The following TMEM181 variants were observed in gnomAD, a reference collection of about 807,000 sequenced individuals.
The protein encoded by TMEM181 is transmembrane protein 181.
Under a neutral mutation model 71.9 loss-of-function variants are expected in TMEM181, and 39 were observed. The ratio of observed to expected loss-of-function variants is 0.54; its 90% CI spans 0.42 to 0.71. TMEM181 has a LOEUF of 0.71. Ranked by LOEUF, TMEM181 falls within the 30% of genes least tolerant of loss-of-function variation. The probability of loss-of-function intolerance (pLI) is 0.00; values close to 1 mark genes in which losing one functional copy is unlikely to be tolerated. For synonymous variants in TMEM181, 245 were observed against 228.8 expected (o/e 1.07, Z -0.64); for missense variants, 595 against 583.0 (o/e 1.02, Z -0.21).
intron 1 of TMEM181, 57 bp from the exon 2 acceptor site, chr6:158,573,363 T>C (rs530147069): frequency 1.4e-6 from 2 of 1,402,684 alleles, no homozygotes; most frequent in African/African-American, 2.8e-5. Flanking sequence ...AGGGCCGCTT[T>C]CCTGTGACCT....
intron 10 of TMEM181, among the ~76,000 whole-genome samples, chr6:158,617,467 C>G (rs1026939456): frequency 2.2e-5 from 3 of 137,784 alleles, no homozygotes; most frequent in Admixed American, 1.6e-4. Context: ...TTTTTTGTGT[C>G]TCTATCTCCT....
chr6:158,539,492 GTTTA>G (rs1781258125), intron 1 of TMEM181, among the ~76,000 whole-genome samples: 1 of 152,186 alleles, frequency 6.6e-6, no homozygotes, highest in African/African-American at 2.4e-5. Context: ...CTTATTGGTG[GTTTA>G]TGAGTAAAAC....
At chr6:158,611,239 TG>T (rs1785288350) in intron 10 of TMEM181, 3 of 499,334 alleles carry the variant, frequency 6.0e-6, no homozygotes. Flanking sequence ...CAGGGGTGAC[TG>T]TGACACTCCT....
rs184762221 is a variant in TMEM181, at chr6:158,589,625, C to T, written c.382-47C>T. ...TACTTCATGGGTTATTTGGCGGGAG[C>T]GTGAGTCTCGCTTTCTTTAAAGGCA... On this transcript the variant is annotated intron_variant, in intron 5 of 16. Transcript: ENST00000684151. The T allele has an allele frequency of 2.5e-4, 366 of 1,435,440 alleles. No individual in the cohort carries two copies. In the African/African-American group the frequency reaches 4.7e-3, roughly 18 times the overall value. The allele number at this position is 1,435,440 out of a possible 1,614,324, so 88.9% of individuals were successfully genotyped here. A position where few individuals can be genotyped will look rare whatever the true frequency, so the allele number is the denominator to read the frequency against.
At chr6:158,577,041 A>G (rs1178133513) in intron 2 of TMEM181, among the ~76,000 whole-genome samples, 1 of 146,534 alleles carries the variant, frequency 6.8e-6, no homozygotes, top group Non-Finnish European at 1.5e-5. Flanking sequence ...CAGCCTGGGC[A>G]ATAGAGCAAG....
intron 6 of TMEM181, among the ~76,000 whole-genome samples, chr6:158,593,440 A>T (rs926695719): frequency 6.6e-6 from 1 of 152,220 alleles, no homozygotes; most frequent in African/African-American, 2.4e-5. Context: ...CTGAAAAGAA[A>T]ATTATTTGAA....
chr6:158,560,007 C>A (rs1223603105), upstream of TMEM181: 1 of 977,984 alleles, frequency 1.0e-6, no homozygotes, highest in African/African-American at 1.8e-5. Context: ...CGCCGCGCGC[C>A]CGCGGCCCCG....
chr6:158,623,282 G>A (rs1786077468), intron 10 of TMEM181, among the ~76,000 whole-genome samples: 3 of 152,184 alleles, frequency 2.0e-5, no homozygotes, highest in South Asian at 4.1e-4. Flanking sequence ...AAGAGAAATA[G>A]TATATAGGGT....
At chr6:158,573,165 C>T (rs992330447) in intron 1 of TMEM181, among the ~76,000 whole-genome samples, 20 of 152,306 alleles carry the variant, frequency 1.3e-4, no homozygotes, top group Admixed American at 5.9e-4. Context: ...TGGTGTGCTG[C>T]GTGCAGACCG....
chr6:158,630,871 C>G (rs1786622946), intron 15 of TMEM181, among the ~76,000 whole-genome samples: 1 of 152,152 alleles, frequency 6.6e-6, no homozygotes, highest in Non-Finnish European at 1.5e-5. Context: ...TGCCCAGCAC[C>G]TTCACAAACG....
At chr6:158,579,315 A>G (rs1350321191) in intron 2 of TMEM181, among the ~76,000 whole-genome samples, 1 of 152,118 alleles carries the variant, frequency 6.6e-6, no homozygotes, top group Non-Finnish European at 1.5e-5. Context: ...TGTTCATAGC[A>G]GCATTATTCA....
At chr6:158,617,408 A>T (rs1468193230) in intron 10 of TMEM181, among the ~76,000 whole-genome samples, 1 of 151,738 alleles carries the variant, frequency 6.6e-6, no homozygotes, top group East Asian at 1.9e-4. Flanking sequence ...TATTTTGTTG[A>T]TCTTTTCAAA....
At chr6:158,609,121 G>T (rs1020500976) in intron 10 of TMEM181, among the ~76,000 whole-genome samples, 42 of 150,196 alleles carry the variant, frequency 2.8e-4, no homozygotes, top group African/African-American at 9.6e-4. Flanking sequence ...AAGGTGAAAA[G>T]GCTTACAATC....
intron 7 of TMEM181, among the ~76,000 whole-genome samples, chr6:158,606,910 T>C (rs1784988301): frequency 6.6e-6 from 1 of 152,206 alleles, no homozygotes; most frequent in Non-Finnish European, 1.5e-5. Context: ...CCAGTGGAAG[T>C]GGGCCTTGTT....
chr6:158,573,729 G>A (rs1000540643), intron 2 of TMEM181, among the ~76,000 whole-genome samples: 1 of 152,190 alleles, frequency 6.6e-6, no homozygotes, highest in African/African-American at 2.4e-5. Context: ...AAGTAGCCCC[G>A]AGTGACCCTG....
chr6:158,608,495 G>T (rs1430800218), intron 9 of TMEM181, 32 bp downstream of exon 9: 1 of 1,613,962 alleles, frequency 6.2e-7, no homozygotes, highest in East Asian at 2.2e-5. Flanking sequence ...TGCCGGGGGA[G>T]GTTCCAGACT....
At chr6:158,546,482 C>T (rs62437760) in intron 1 of TMEM181, among the ~76,000 whole-genome samples, 1 of 152,112 alleles carries the variant, frequency 6.6e-6, no homozygotes, top group Non-Finnish European at 1.5e-5. Flanking sequence ...TAGAACTGAA[C>T]CCCAGGAAGG....
intron 1 of TMEM181, among the ~76,000 whole-genome samples, chr6:158,537,825 CTCA>C (rs1478335429): frequency 6.6e-6 from 1 of 152,150 alleles, no homozygotes; most frequent in Non-Finnish European, 1.5e-5. Flanking sequence ...CTATCCTGTA[CTCA>C]TCATAGGTAC....
At chr6:158,623,100 T>TCCAGTCCCCTGTCC (rs1786064204) in intron 10 of TMEM181, among the ~76,000 whole-genome samples, 1 of 152,172 alleles carries the variant, frequency 6.6e-6, no homozygotes, top group Non-Finnish European at 1.5e-5. Context: ...CCCCGTCTGC[T>TCCAGTCCCCTGTCC]CCAGTCCCCT....
Sources: allele counts gnomAD v4.1 joint callset (sites outside exome capture counted in the v4.1 genomes callset), GRCh38; gene constraint gnomAD v4.1.1; transcripts MANE v1.5; gene names NCBI Gene and HGNC (gene_info 2026-07-23, HGNC 2026-07-21).